Variants in KIF21A observed in about 807,000 individuals in gnomAD.
The protein encoded by KIF21A is kinesin-like protein KIF21A.
Under a neutral mutation model 202.9 loss-of-function variants are expected in KIF21A, and 114 were observed. The observed-to-expected ratio is 0.56, with a 90% CI of 0.48 to 0.66. The LOEUF is 0.66. KIF21A is among the 30% of genes least tolerant of loss of function. The pLI is 0.00. For synonymous variants in KIF21A, 667 were observed against 670.8 expected (o/e 0.99, Z 0.09); for missense variants, 1,677 against 1,994.9 (o/e 0.84, Z 3.04).
chr12:39,301,830 AT>A, intron 36 of KIF21A, 151 bp from the exon 37 acceptor site: 1 of 705,494 alleles, frequency 1.4e-6, no homozygotes, highest in South Asian at 1.8e-5. Flanking sequence ...ACTCTTAGTG[AT>A]TTAAAGAAAT....
chr12:39,349,031 G>A (rs996319260), intron 11 of KIF21A, among the ~76,000 whole-genome samples: 1 of 152,036 alleles, frequency 6.6e-6, no homozygotes, highest in African/African-American at 2.4e-5. Flanking sequence ...TTTGAAATTG[G>A]GAGTACTTCA....
chr12:39,381,694 G>A (rs117637428), intron 1 of KIF21A, among the ~76,000 whole-genome samples: 1 of 152,230 alleles, frequency 6.6e-6, no homozygotes, highest in East Asian at 1.9e-4. Context: ...AAATGTGGTA[G>A]GCAGAATTTG....
At chr12:39,370,599 T>C (rs1472369708) in intron 1 of KIF21A, among the ~76,000 whole-genome samples, 1 of 152,110 alleles carries the variant, frequency 6.6e-6, no homozygotes, top group African/African-American at 2.4e-5. Flanking sequence ...CAAAATGCTA[T>C]TTGCTATTAT....
intron 1 of KIF21A, among the ~76,000 whole-genome samples, chr12:39,375,782 C>A (rs372642871): frequency 1.1e-3 from 165 of 152,214 alleles, no homozygotes; most frequent in African/African-American, 3.7e-3. Context: ...AAAACTCAGT[C>A]CCTTCACAGG....
chr12:39,351,655 A>C, intron 11 of KIF21A, 122 bp downstream of exon 11: 1 of 640,004 alleles, frequency 1.6e-6, no homozygotes. Context: ...GTTTCAGCTA[A>C]CATAGTGATT....
chr12:39,365,957 C>T (rs1478638269), intron 6 of KIF21A, among the ~76,000 whole-genome samples: 3 of 152,098 alleles, frequency 2.0e-5, no homozygotes, highest in East Asian at 1.9e-4. Flanking sequence ...GAGCCATGAT[C>T]GCACCACTGT....
In KIF21A at chr12:39,340,384, T is replaced by C. The variant is rs1288614282; in HGVS notation, c.2111-20A>G. Reference sequence around the variant, plus strand: ...CCGAGCCTAAATGACCAGAGGACATTTTTATATGTTTTTTTGTGAGACACA... The same window carrying C: ...CCGAGCCTAAATGACCAGAGGACATCTTTATATGTTTTTTTGTGAGACACA... On this transcript the variant is annotated intron_variant, in intron 15 of 37. Coordinates refer to ENST00000361418, the MANE Select transcript of KIF21A (RefSeq NM_001173464.2). 1 of 1,554,426 alleles carries C rather than the reference T, an allele frequency of 6.4e-7. No individual in the cohort carries two copies.
At chr12:39,380,397 T>C (rs1294531749) in intron 1 of KIF21A, among the ~76,000 whole-genome samples, 1 of 152,200 alleles carries the variant, frequency 6.6e-6, no homozygotes, top group East Asian at 1.9e-4. Context: ...ATTGACCCAG[T>C]CTCTTTCCTG....
chr12:39,402,122 T>A (rs1260046871), intron 1 of KIF21A, among the ~76,000 whole-genome samples: 1 of 152,220 alleles, frequency 6.6e-6, no homozygotes, highest in African/African-American at 2.4e-5. Context: ...AATCTGGCTC[T>A]AAGATAAAAA....
intron 4 of KIF21A, 90 bp downstream of exon 4, chr12:39,367,793 T>A: frequency 1.0e-6 from 1 of 1,000,790 alleles, no homozygotes; most frequent in East Asian, 2.4e-5. Flanking sequence ...GATATAAATT[T>A]CATATCTTGA....
At chr12:39,321,438 T>C (rs1321476339) in intron 27 of KIF21A, 1 of 152,196 alleles carries the variant, frequency 6.6e-6, no homozygotes, top group African/African-American at 2.4e-5. Context: ...ATTTAGTTCC[T>C]AAAATCTGAC....
At chr12:39,294,599 A>G (rs1942118132) in intron 37 of KIF21A, 82 bp from the exon 38 acceptor site, 10 of 1,078,352 alleles carry the variant, frequency 9.3e-6, no homozygotes, top group Non-Finnish European at 1.3e-5. Context: ...CTTATCATGG[A>G]AATATTTTCT....
At chr12:39,299,351 A>G (rs1052472513) in intron 37 of KIF21A, among the ~76,000 whole-genome samples, 1 of 152,198 alleles carries the variant, frequency 6.6e-6, no homozygotes, top group African/African-American at 2.4e-5. Context: ...TAACTAGAAT[A>G]TGAAAAAAAG....
intron 29 of KIF21A, among the ~76,000 whole-genome samples, chr12:39,317,374 A>G (rs1165630535): frequency 1.3e-5 from 2 of 152,160 alleles, no homozygotes; most frequent in Non-Finnish European, 2.9e-5. Context: ...AAGTCCAAGC[A>G]GACAAGTCAG....
chr12:39,337,059 A>G (rs779777627), intron 17 of KIF21A, 37 bp downstream of exon 17: 59 of 1,386,404 alleles, frequency 4.3e-5, no homozygotes, highest in Non-Finnish European at 5.6e-5. Flanking sequence ...TTCAACGTAC[A>G]ATTTTCTTAT....
At chr12:39,393,625 T>C (rs529958457) in intron 1 of KIF21A, among the ~76,000 whole-genome samples, 12 of 152,340 alleles carry the variant, frequency 7.9e-5, no homozygotes, top group South Asian at 6.2e-4. Context: ...GGCACAGTTG[T>C]CTAGGAAACC....
At chr12:39,403,006 G>A (rs1952288728) in intron 1 of KIF21A, among the ~76,000 whole-genome samples, 1 of 152,116 alleles carries the variant, frequency 6.6e-6, no homozygotes, top group Admixed American at 6.5e-5. Context: ...ATCTGCTTGT[G>A]AGAACTGGCA....
chr12:39,443,075 G>C lies in KIF21A; in HGVS notation c.-105C>G. 8.2e-7 allele frequency: 1 copy of C among 1,223,708 alleles called. No homozygotes were observed. The highest frequency in any genetic ancestry group is 1.1e-6 in the Non-Finnish European group (1 of 934,658). The allele number at this position is 1,223,708 out of a possible 1,614,324, so 75.8% of individuals were successfully genotyped here. The stretch of plus-strand genomic sequence containing the variant: ...GCAGTAGGCTGGGGCGTCTGCGGGC[G>C]GGCGGCCGGCTCACCTCCGCCGCGC... On this transcript the variant is annotated 5_prime_UTR_variant, in exon 1 of 38. Coordinates refer to ENST00000361418, the MANE Select transcript of KIF21A (RefSeq NM_001173464.2).
At chr12:39,405,495 G>T (rs199675123) in intron 1 of KIF21A, among the ~76,000 whole-genome samples, 2 of 151,964 alleles carry the variant, frequency 1.3e-5, no homozygotes, top group East Asian at 3.8e-4. Flanking sequence ...AAAAGTATTT[G>T]TAAGAAAAAT....
Sources: allele counts gnomAD v4.1 joint callset (sites outside exome capture counted in the v4.1 genomes callset), GRCh38; gene constraint gnomAD v4.1.1; transcripts MANE v1.5; gene names NCBI Gene and HGNC (gene_info 2026-07-23, HGNC 2026-07-21).